XPO1: variants seen among roughly 807,000 people sequenced by gnomAD.
XPO1 encodes the protein exportin 1, also known as exportin-1.
In XPO1, 5 loss-of-function variants were observed where a neutral mutation model predicts 133.3. That is an observed-to-expected ratio of 0.04 (90% confidence interval 0.02 to 0.08). The LOEUF is 0.08. XPO1 is among the 10% of genes least tolerant of loss of function. XPO1 has a pLI of 1.00. For synonymous variants in XPO1, 419 were observed against 408.2 expected (o/e 1.03, Z -0.32); for missense variants, 506 against 1,267.5 (o/e 0.40, Z 9.12).
At chr2:61,518,570 T>G (rs1698527256) in intron 4 of XPO1, among the ~76,000 whole-genome samples, 1 of 148,444 alleles carries the variant, frequency 6.7e-6, no homozygotes, top group African/African-American at 2.5e-5. Flanking sequence ...TGAGCCGAGA[T>G]CACGCCACTG....
chr2:61,488,095 T>TA, intron 19 of XPO1, 70 bp downstream of exon 19: 2 of 1,349,724 alleles, frequency 1.5e-6, no homozygotes, highest in African/African-American at 1.4e-5. Flanking sequence ...ATGCACATAA[T>TA]AGAGTATAGC....
intron 4 of XPO1, among the ~76,000 whole-genome samples, chr2:61,522,197 C>T (rs1449920585): frequency 6.6e-6 from 1 of 152,164 alleles, no homozygotes; most frequent in Non-Finnish European, 1.5e-5. Flanking sequence ...GCTGGGACCA[C>T]AGACATGAAC....
chr2:61,490,784 A>T lies in XPO1; in HGVS notation c.1888-8T>A. ...TTCATAAAACGTATGAACCTATTTT[A>T]AAAAGCAGACATTTTAACGTTTATG... On this transcript the variant is annotated splice_region_variant and splice_polypyrimidine_tract_variant and intron_variant, in intron 16 of 24. Coordinates refer to ENST00000401558, the MANE Select transcript of XPO1 (RefSeq NM_003400.4). 6.2e-7 allele frequency: 1 copy of T among 1,610,104 alleles called. No individual in the cohort carries two copies. The highest frequency in any genetic ancestry group is 8.5e-7 in the Non-Finnish European group (1 of 1,178,710).
chr2:61,529,590 A>G (rs1041550304), intron 2 of XPO1, among the ~76,000 whole-genome samples: 2 of 151,892 alleles, frequency 1.3e-5, no homozygotes, highest in South Asian at 2.1e-4. Flanking sequence ...AGGACCCGGA[A>G]GGCGGAGGTT....
intron 6 of XPO1, among the ~76,000 whole-genome samples, chr2:61,500,850 T>C (rs17009924): frequency 0.06 from 9,179 of 152,196 alleles, 510 homozygotes; most frequent in South Asian, 0.24. Context: ...TAATTAACCA[T>C]TGGTGATAAA....
At chr2:61,483,573 T>G (rs1696513964) in intron 21 of XPO1, 1 of 185,132 alleles carries the variant, frequency 5.4e-6, no homozygotes, top group Non-Finnish European at 1.1e-5. Flanking sequence ...ACCTCATGAA[T>G]ATTTTTTAAA....
chr2:61,530,513 T>A lies in XPO1; in HGVS notation c.126+3259A>T, dbSNP rs185033229. ...GTTCAAGATCTTTAACAGAACACAA[T>A]ATTGGAGAAAACATCCAACTCTTCC... On this transcript the variant is annotated intron_variant, in intron 2 of 24. Transcript: ENST00000401558. 4.6e-5 allele frequency among the ~76,000 whole-genome samples: 7 copies of A among 152,268 alleles called. No individual in the cohort carries two copies. In the East Asian group the frequency reaches 9.6e-4, roughly 21 times the overall value.
chr2:61,515,937 CCACACACACACACA>C (rs35237510), intron 4 of XPO1, among the ~76,000 whole-genome samples: 45,997 of 110,114 alleles, frequency 0.42, 9,577 homozygotes, highest in Middle Eastern at 0.6. Context: ...AAAAAAAAAA[CCACACACACACACA>C]CACACACACA....
intron 2 of XPO1, among the ~76,000 whole-genome samples, chr2:61,533,272 G>A (rs952426799): frequency 6.6e-6 from 1 of 152,078 alleles, no homozygotes; most frequent in Non-Finnish European, 1.5e-5. Flanking sequence ...TCACCTTTTA[G>A]TTGGGTTCAA....
At chr2:61,479,618 T>C (rs184879023) in intron 24 of XPO1, among the ~76,000 whole-genome samples, 67 of 152,350 alleles carry the variant, frequency 4.4e-4, no homozygotes, top group Non-Finnish European at 7.5e-4. Context: ...GATAGAGTCT[T>C]GTTCTGTAGC....
chr2:61,518,020 C>G (rs988401253), intron 4 of XPO1, among the ~76,000 whole-genome samples: 1 of 151,896 alleles, frequency 6.6e-6, no homozygotes, highest in African/African-American at 2.4e-5. Flanking sequence ...ATCCCAGCTA[C>G]TTGGGAGACT....
At position 61,513,697 on chromosome 2, in the gene XPO1, C is replaced by T. The variant is rs574010500; in HGVS notation, c.301+8914G>A. ...TTGAATACAACACAAAAAACATCAA[C>T]TATATAAAGAAAAAAAAATCAACAC... On this transcript the variant is annotated intron_variant, in intron 4 of 24. Transcript: ENST00000401558. 5.9e-5 allele frequency among the ~76,000 whole-genome samples: 9 copies of T among 151,972 alleles called. No homozygotes were observed. The East Asian group carries it at 1.2e-3, about 20-fold the overall frequency.
At position 61,499,908 on chromosome 2, in the gene XPO1, T is replaced by G. The variant is rs1172980846; in HGVS notation, c.409-14A>C. The G allele has an allele frequency of 6.3e-7, 1 of 1,597,180 alleles. No individual in the cohort carries two copies. Among genetic ancestry groups the G allele is most frequent in the Admixed American group, 1.8e-5 (1 of 54,280 alleles). On this transcript the variant is annotated splice_polypyrimidine_tract_variant and intron_variant, in intron 6 of 24. Transcript: ENST00000401558. ...TTGTTTCAGTATCTAAAACAAGACATGAAATGTTAATCGCACTTCATTTCT... is the reference window on the plus strand; with the variant it reads ...TTGTTTCAGTATCTAAAACAAGACAGGAAATGTTAATCGCACTTCATTTCT...
At chr2:61,525,776 A>G in intron 3 of XPO1, 2 of 1,032,720 alleles carry the variant, frequency 1.9e-6, no homozygotes, top group East Asian at 6.1e-5. Context: ...ACAGATGTGA[A>G]TATGGCTATC....
At chr2:61,518,343 G>C (rs1698500600) in intron 4 of XPO1, among the ~76,000 whole-genome samples, 1 of 151,452 alleles carries the variant, frequency 6.6e-6, no homozygotes, top group African/African-American at 2.4e-5. Context: ...ACGAGGTCAG[G>C]AGATCGAGAC....
At position 61,492,230 on chromosome 2, in the gene XPO1, C is replaced by G; in HGVS notation, c.1724-32G>C. On this transcript the variant is annotated intron_variant, in intron 15 of 24. Coordinates refer to ENST00000401558, the MANE Select transcript of XPO1 (RefSeq NM_003400.4). The surrounding 1 kb of genome is among the most constrained non-coding windows in gnomAD (Gnocchi z 5.6). ...AGACAAAAATATTCATTTATTTTGT[C>G]CTGGACTCCATCATGGGTCTCTAAC... The G allele has an allele frequency of 1.2e-6, 2 of 1,609,650 alleles. No individual in the cohort carries two copies. Among genetic ancestry groups the G allele is most frequent in the Non-Finnish European group, 1.7e-6 (2 of 1,178,010 alleles).
chr2:61,527,588 T>C (rs1698962213), intron 2 of XPO1, among the ~76,000 whole-genome samples: 1 of 152,168 alleles, frequency 6.6e-6, no homozygotes, highest in Non-Finnish European at 1.5e-5. Flanking sequence ...AATACAAAAA[T>C]ACATTTCATG....
chr2:61,493,202 G>T, intron 12 of XPO1, 149 bp from the exon 13 acceptor site: 1 of 736,020 alleles, frequency 1.4e-6, no homozygotes. Context: ...CTATTCCGGA[G>T]GGCCGAGGCA....
intron 1 of XPO1, 26 bp from the exon 2 acceptor site, chr2:61,533,929 G>A (rs1699262164): frequency 3.3e-6 from 5 of 1,501,562 alleles, no homozygotes; most frequent in Non-Finnish European, 2.7e-6. Context: ...AAAAATTGAA[G>A]CTGCCTATCA....
Sources: allele counts gnomAD v4.1 joint callset (sites outside exome capture counted in the v4.1 genomes callset), GRCh38; gene constraint gnomAD v4.1.1; non-coding constraint Gnocchi (gnomAD v3.1); transcripts MANE v1.5; gene names NCBI Gene and HGNC (gene_info 2026-07-23, HGNC 2026-07-21).